ACOT13: variants seen among roughly 807,000 people sequenced by gnomAD.
ACOT13 encodes acyl-coenzyme A thioesterase 13.
A neutral mutation model predicts 11.8 loss-of-function variants in ACOT13; 10 were observed. That is an observed-to-expected ratio of 0.85 (90% CI 0.53 to 1.44). ACOT13 has a LOEUF of 1.44. Ranked by LOEUF, ACOT13 falls within the 40% of genes most tolerant of loss-of-function variation. The pLI, the probability that ACOT13 is intolerant of heterozygous loss-of-function variation, is 0.00. For missense variants in ACOT13, 172 were observed against 174.1 expected (o/e 0.99, Z 0.07); for synonymous variants, 53 against 61.0 (o/e 0.87, Z 0.61).
chr6:24,693,266 C>T (rs923842409), intron 1 of ACOT13, among the ~76,000 whole-genome samples: 1 of 152,200 alleles, frequency 6.6e-6, no homozygotes, highest in East Asian at 1.9e-4. Context: ...GGGTGGCTCA[C>T]GTGTTTATGT....
At chr6:24,689,615 G>T (rs1778691569) in intron 1 of ACOT13, among the ~76,000 whole-genome samples, 3 of 152,152 alleles carry the variant, frequency 2.0e-5, no homozygotes, top group African/African-American at 7.2e-5. Context: ...TGTATACCCT[G>T]TGTATATATG....
Position 24,697,931 on chromosome 6 carries a change from G to C in ACOT13, c.130G>C (p.Val44Leu), listed in dbSNP as rs755344631. Residue 44 changes from valine (V) to leucine (L), a missense_variant, in exon 2 of 3, where the codon GTA (valine) becomes CTA (leucine). Transcript: ENST00000230048. ...TGGGAAAGTGATTTGTGAAATGAAA[G>C]TAGAAGAAGAGCATACCAATGCAAT... is the stretch of plus-strand genomic sequence containing the variant. ...APGKVICEMK[V>L]EEEHTNAIGT... The C allele has an allele frequency of 1.2e-6, 2 of 1,613,142 alleles. No homozygotes were observed. The highest frequency in any genetic ancestry group is 1.7e-6 in the Non-Finnish European group (2 of 1,179,678).
At chr6:24,688,049 A>G (rs995382552) in intron 1 of ACOT13, among the ~76,000 whole-genome samples, 4 of 152,168 alleles carry the variant, frequency 2.6e-5, no homozygotes, top group African/African-American at 9.6e-5. Flanking sequence ...TAATAGAAAA[A>G]CTTATAGATT....
chr6:24,680,821 G>A (rs1277815834), intron 1 of ACOT13, among the ~76,000 whole-genome samples: 1 of 152,196 alleles, frequency 6.6e-6, no homozygotes, highest in African/African-American at 2.4e-5. Flanking sequence ...TTTGAGTCAG[G>A]ATTGAAATAG....
intron 1 of ACOT13, among the ~76,000 whole-genome samples, chr6:24,696,189 C>G (rs77173415): frequency 6.6e-6 from 1 of 152,148 alleles, no homozygotes; most frequent in Non-Finnish European, 1.5e-5. Context: ...TGTTTTATAT[C>G]GCGTGGTTCT....
chr6:24,673,368 A>AT (rs201726301), intron 1 of ACOT13, among the ~76,000 whole-genome samples: 61 of 150,648 alleles, frequency 4.0e-4, no homozygotes, highest in East Asian at 3.9e-3. Context: ...TTCTCTTATA[A>AT]TTTTTTTTTT....
At position 24,698,099 on chromosome 6, in the gene ACOT13, C is replaced by T. The variant is rs773497095; in HGVS notation, c.266+32C>T. Reference sequence around the variant, plus strand: ...ATCCAAACTGTATTCCAAATCCCTTCTGTGTGATAACTGTCTAAACAACTG... The same window carrying T: ...ATCCAAACTGTATTCCAAATCCCTTTTGTGTGATAACTGTCTAAACAACTG... On this transcript the variant is annotated intron_variant, in intron 2 of 2. Coordinates refer to ENST00000230048, the MANE Select transcript of ACOT13 (RefSeq NM_018473.4). 1.2e-5 allele frequency: 18 copies of T among 1,524,178 alleles called. No homozygotes were observed. In the Admixed American group the frequency reaches 3.4e-4, roughly 28 times the overall value. 94.4% of individuals were successfully genotyped at this position (1,524,178 alleles called of 1,614,324 possible).
chr6:24,701,343 A>T, intron 2 of ACOT13, 116 bp from the exon 3 acceptor site: 1 of 877,520 alleles, frequency 1.1e-6, no homozygotes, highest in Non-Finnish European at 1.7e-6. Flanking sequence ...TACCAATACT[A>T]CCGTTAAAAC....
rs1299136963 is a variant in ACOT13, at chr6:24,697,992, T to C, written c.191T>C (p.Val64Ala). 12 of 1,613,986 alleles carry C rather than the reference T, an allele frequency of 7.4e-6. No homozygotes were observed. The highest frequency in any genetic ancestry group is 1.0e-5 in the Non-Finnish European group (12 of 1,179,958). The change falls in exon 2 of 3, where the codon GTA becomes GCA. Residue 64 changes from valine (V) to alanine (A), a missense_variant. Physicochemically the swap from Val to Ala is moderately conservative, Grantham distance 64. Coordinates refer to ENST00000230048, the MANE Select transcript of ACOT13 (RefSeq NM_018473.4). ...CACGGCGGTTTGACAGCCACGTTAG[T>C]AGATAACATATCAACAATGGCTCTG... ...TLHGGLTATL[V>A]DNISTMALLC...
At chr6:24,685,904 ACAGT>A (rs1272678825) in intron 1 of ACOT13, among the ~76,000 whole-genome samples, 3 of 152,162 alleles carry the variant, frequency 2.0e-5, no homozygotes, top group Non-Finnish European at 4.4e-5. Flanking sequence ...ACAAAGATTA[ACAGT>A]CAGGCTGAGT....
At chr6:24,695,616 C>A (rs966132132) in intron 1 of ACOT13, among the ~76,000 whole-genome samples, 4 of 152,214 alleles carry the variant, frequency 2.6e-5, no homozygotes, top group Non-Finnish European at 4.4e-5. Flanking sequence ...CCGCTAAGAG[C>A]AGGGATTAAA....
intron 1 of ACOT13, among the ~76,000 whole-genome samples, chr6:24,693,050 C>T (rs185366360): frequency 6.6e-6 from 1 of 152,232 alleles, no homozygotes; most frequent in Non-Finnish European, 1.5e-5. Flanking sequence ...CTTTTTACCT[C>T]CTTTCCTGCT....
chr6:24,681,962 C>T (rs1051162761), intron 1 of ACOT13, among the ~76,000 whole-genome samples: 1 of 152,148 alleles, frequency 6.6e-6, no homozygotes, highest in African/African-American at 2.4e-5. Flanking sequence ...CTTCTGGCTG[C>T]GCCATGATCT....
intron 2 of ACOT13, among the ~76,000 whole-genome samples, chr6:24,699,279 G>C (rs148847460): frequency 1.4e-5 from 2 of 145,848 alleles, no homozygotes; most frequent in South Asian, 4.3e-4. Context: ...GTGCAGTCTC[G>C]GCTCACTGCA....
intron 1 of ACOT13, 75 bp from the exon 2 acceptor site, chr6:24,697,808 A>T (rs1252759102): frequency 1.6e-6 from 2 of 1,259,352 alleles, no homozygotes; most frequent in African/African-American, 3.0e-5. Flanking sequence ...AGTTCAATCC[A>T]TTGTTCTTCA....
intron 1 of ACOT13, among the ~76,000 whole-genome samples, chr6:24,688,753 A>G (rs1562160253): frequency 6.6e-6 from 1 of 152,180 alleles, no homozygotes; most frequent in Non-Finnish European, 1.5e-5. Context: ...AAAAACATCT[A>G]CATAGCACTA....
intron 1 of ACOT13, among the ~76,000 whole-genome samples, chr6:24,678,115 T>C (rs1427060921): frequency 6.6e-6 from 1 of 152,102 alleles, no homozygotes; most frequent in Non-Finnish European, 1.5e-5. Flanking sequence ...CCTGGCCAAA[T>C]AGATGGGCGC....
chr6:24,690,085 T>A (rs1778698356), intron 1 of ACOT13, among the ~76,000 whole-genome samples: 1 of 152,182 alleles, frequency 6.6e-6, no homozygotes, highest in South Asian at 2.1e-4. Flanking sequence ...CAGGACTTTG[T>A]AGCATACAAA....
chr6:24,682,296 TAC>T (rs914958108), intron 1 of ACOT13, among the ~76,000 whole-genome samples: 3 of 152,210 alleles, frequency 2.0e-5, no homozygotes, highest in African/African-American at 7.2e-5. Flanking sequence ...ACCAAAATGT[TAC>T]CGGGGGTCCT....
Sources: gnomAD v4.1 joint callset for allele counts (sites outside exome capture counted in the v4.1 genomes callset) on GRCh38, gnomAD v4.1.1 for gene constraint, MANE v1.5 for transcripts, NCBI Gene and HGNC (gene_info 2026-07-23, HGNC 2026-07-21) for gene names.